The following THRAP3 variants were observed in gnomAD, a reference collection of about 807,000 sequenced individuals.
The protein encoded by THRAP3 is thyroid hormone receptor associated protein 3.
A neutral mutation model predicts 101.0 loss-of-function variants in THRAP3; 16 were observed. That is an observed-to-expected ratio of 0.16 (90% CI 0.11 to 0.24). The LOEUF is 0.24. Among genes scored for constraint, THRAP3 ranks in the 10% least tolerant of loss-of-function variants. THRAP3 has a pLI of 1.00. For missense variants in THRAP3, 989 were observed against 1,202.7 expected, an observed-to-expected ratio of 0.82 and a Z score of 2.63; for synonymous variants, 407 against 422.6, an observed-to-expected ratio of 0.96 and a Z score of 0.45.
rs772230476 is a variant in THRAP3 at position 36,296,698 on chromosome 1, G to C, written c.2231G>C (p.Arg744Pro). 1.2e-6 allele frequency: 2 copies of C among 1,610,436 alleles called. No homozygotes were observed. Among genetic ancestry groups the C allele is most frequent in the African/African-American group, 2.7e-5 (2 of 74,644 alleles). Residue 744 changes from arginine to proline, a missense_variant, in exon 9 of 12, where the codon CGA becomes CCA. Arg to Pro is a moderately radical substitution (Grantham distance 103). Coordinates refer to ENST00000354618, the MANE Select transcript of THRAP3 (RefSeq NM_005119.4). ...RGKSRESVDS[R>P]DSSHSRERSA... ...AAATCGAGAGAATCAGTGGATTCCC[G>C]AGACTCCAGTCACTCAAGGGAAAGG...
At chr1:36,295,635 G>A (rs1220476533) in intron 8 of THRAP3, among the ~76,000 whole-genome samples, 1 of 140,104 alleles carries the variant, frequency 7.1e-6, no homozygotes, top group Non-Finnish European at 1.5e-5. Context: ...CTTTCTCCCT[G>A]TTTCTTTGGT....
chr1:36,213,931 GAAA>G, the THRAP3 span, among the ~76,000 whole-genome samples: 4 of 119,404 alleles, frequency 3.3e-5, no homozygotes, highest in African/African-American at 1.1e-4. Flanking sequence ...AAGAAAGAAA[GAAA>G]GAAAGAAAGA....
At chr1:36,253,995 A>C in intron 1 of THRAP3, among the ~76,000 whole-genome samples, 1 of 152,072 alleles carries the variant, frequency 6.6e-6, no homozygotes, top group African/African-American at 2.4e-5. Context: ...CAACAGTAAT[A>C]GTGGTTAAGG....
rs766096645 is a variant in THRAP3 at position 36,287,179 on chromosome 1, G to A, written c.949G>A (p.Val317Met). The A allele has an allele frequency of 5.0e-6, 8 of 1,614,126 alleles. No homozygotes were observed. In the South Asian group the frequency reaches 8.8e-5, roughly 18 times the overall value. Residue 317 changes from valine to methionine, a missense_variant, in exon 4 of 12, where the codon GTG (valine) becomes ATG (methionine). Physicochemically the swap from Val to Met is conservative, Grantham distance 21 (BLOSUM62 1). Transcript: ENST00000354618. ...GSLSPSKKSPVGKSPPSTGST... is the reference protein window; with the variant it reads ...GSLSPSKKSPMGKSPPSTGST... ...CCTGAGTCCATCCAAAAAGAGCCCTGTGGGTAAGAGTCCACCATCCACTGG... is the reference window on the plus strand; with the variant it reads ...CCTGAGTCCATCCAAAAAGAGCCCTATGGGTAAGAGTCCACCATCCACTGG...
chr1:36,214,001 A>AGAAAGAAAGAAAGAAAG, the THRAP3 span, among the ~76,000 whole-genome samples: 1 of 31,610 alleles, frequency 3.2e-5, no homozygotes, highest in East Asian at 1.3e-3. Flanking sequence ...AAGAAAGGAA[A>AGAAAGAAAGAAAGAAAG]GAAAGAAAGA....
chr1:36,253,397 T>G (rs770637514), intron 1 of THRAP3, among the ~76,000 whole-genome samples: 6 of 152,214 alleles, frequency 3.9e-5, no homozygotes, highest in Non-Finnish European at 8.8e-5. Context: ...GTTGGAAATA[T>G]GCTGGAACTG....
intron 1 of THRAP3, among the ~76,000 whole-genome samples, chr1:36,241,462 T>C (rs943638409): frequency 6.7e-6 from 1 of 148,930 alleles, no homozygotes; most frequent in African/African-American, 2.5e-5. Flanking sequence ...TTCTTACAAA[T>C]GTCCAGGTCA....
intron 11 of THRAP3, among the ~76,000 whole-genome samples, 176 bp from the exon 12 acceptor site, chr1:36,303,620 A>T (rs1646057554): frequency 6.6e-6 from 1 of 152,162 alleles, no homozygotes; most frequent in Non-Finnish European, 1.5e-5. Flanking sequence ...ATTCTCATGG[A>T]TCTGAACCAC....
At chr1:36,216,814 C>T in the THRAP3 span, among the ~76,000 whole-genome samples, 2 of 152,102 alleles carry the variant, frequency 1.3e-5, no homozygotes, top group Non-Finnish European at 2.9e-5. Context: ...TAAAAATAAT[C>T]CTAGTTTCTG....
chr1:36,303,666 G>A (rs750453555), intron 11 of THRAP3, 130 bp from the exon 12 acceptor site: 9 of 1,415,338 alleles, frequency 6.4e-6, no homozygotes, highest in Non-Finnish European at 8.6e-6. Context: ...GAGAAGTGCA[G>A]AAAAGGATCA....
chr1:36,232,300 T>C (rs1282559956), intron 1 of THRAP3, among the ~76,000 whole-genome samples: 1 of 152,164 alleles, frequency 6.6e-6, no homozygotes, highest in Non-Finnish European at 1.5e-5. Flanking sequence ...CTTTGTATAC[T>C]CATAAGTTCT....
chr1:36,294,886 A>T (rs1390489379), intron 8 of THRAP3, among the ~76,000 whole-genome samples: 1 of 152,034 alleles, frequency 6.6e-6, no homozygotes, highest in African/African-American at 2.4e-5. Context: ...TCTTTGGAGG[A>T]TGCAGAGGCC....
At chr1:36,281,173 C>T (rs1368961695) in intron 2 of THRAP3, among the ~76,000 whole-genome samples, 1 of 152,080 alleles carries the variant, frequency 6.6e-6, no homozygotes, top group African/African-American at 2.4e-5. Flanking sequence ...TCCCAAAGTG[C>T]TGGGATTACA....
intron 2 of THRAP3, among the ~76,000 whole-genome samples, chr1:36,282,232 TCTC>T (rs1287733212): frequency 7.3e-4 from 84 of 114,380 alleles, no homozygotes; most frequent in Middle Eastern, 7.4e-3. Context: ...AGCCACTTTC[TCTC>T]TTTTTTTTTT....
At chr1:36,256,888 C>G (rs1217134452) in intron 1 of THRAP3, among the ~76,000 whole-genome samples, 1 of 151,818 alleles carries the variant, frequency 6.6e-6, no homozygotes. Flanking sequence ...CTCTGCCTCC[C>G]AGGTTCAAGT....
chr1:36,223,285 G>A (rs895386919), upstream of THRAP3, among the ~76,000 whole-genome samples: 8 of 152,140 alleles, frequency 5.3e-5, no homozygotes, highest in African/African-American at 1.2e-4. Context: ...GGGCTGATGT[G>A]GCGTGGTCTG....
intron 1 of THRAP3, among the ~76,000 whole-genome samples, chr1:36,246,622 C>G (rs182799633): frequency 1.4e-4 from 21 of 152,198 alleles, no homozygotes; most frequent in Admixed American, 5.9e-4. Context: ...GCAGGCAGAT[C>G]ACGAGGTCAG....
At chr1:36,233,015 C>G (rs1363452341) in intron 1 of THRAP3, among the ~76,000 whole-genome samples, 1 of 151,324 alleles carries the variant, frequency 6.6e-6, no homozygotes, top group Admixed American at 6.6e-5. Flanking sequence ...ATTATAGGCA[C>G]ATACCACCAC....
At chr1:36,221,647 G>C (rs192843998), upstream of THRAP3, among the ~76,000 whole-genome samples, 28 of 152,244 alleles carry the variant, frequency 1.8e-4, no homozygotes, top group African/African-American at 6.0e-4. Flanking sequence ...GCAATGGCGC[G>C]ATCTAAGCTC....
Sources: gnomAD v4.1 joint callset for allele counts (sites outside exome capture counted in the v4.1 genomes callset) on GRCh38, gnomAD v4.1.1 for gene constraint, MANE v1.5 for transcripts, NCBI Gene and HGNC (gene_info 2026-07-23, HGNC 2026-07-21) for gene names.